GORAB: variants seen among roughly 807,000 people sequenced by gnomAD.
GORAB encodes the protein golgin, RAB6 interacting, also known as RAB6-interacting golgin.
In GORAB, 17 loss-of-function variants were observed where a neutral mutation model predicts 29.9. The ratio of observed to expected loss-of-function variants is 0.57; its 90% CI spans 0.39 to 0.85. The LOEUF is 0.85. Ranked by LOEUF, GORAB falls within the 40% of genes least tolerant of loss-of-function variation. GORAB has a pLI of 0.00. For synonymous variants in GORAB, 183 were observed against 157.2 expected (o/e 1.16, Z -1.23); for missense variants, 442 against 437.8 (o/e 1.01, Z -0.09).
Position 170,553,420 on chromosome 1 carries a change from A to G in GORAB, c.*958A>G. On this transcript the variant is annotated 3_prime_UTR_variant, in exon 5 of 5. Coordinates refer to ENST00000367763, the MANE Select transcript of GORAB (RefSeq NM_152281.3). ...TACATTGTGCTATATGTAAATGTGT[A>G]AATAAATATTGTAATTTTCTCACAA... is the stretch of plus-strand genomic sequence containing the variant. 1 of 446,934 alleles carries G rather than the reference A, an allele frequency of 2.2e-6. No homozygotes were observed. The highest frequency in any genetic ancestry group is 4.4e-6 in the Non-Finnish European group (1 of 224,720). 27.7% of individuals were successfully genotyped at this position (446,934 alleles called of 1,614,324 possible).
chr1:170,533,355 T>C (rs774190009), intron 1 of GORAB: 49 of 251,700 alleles, frequency 1.9e-4, no homozygotes, highest in Non-Finnish European at 3.5e-4. Flanking sequence ...AAAAACTCTA[T>C]CATAAAGGTT....
chr1:170,533,651 G>A (rs572608522), intron 1 of GORAB: 8 of 413,720 alleles, frequency 1.9e-5, no homozygotes, highest in Non-Finnish European at 2.5e-5. Context: ...CATTTTCCAG[G>A]GTAAAGATGA....
chr1:170,534,609 A>G (rs1648935966), intron 1 of GORAB, among the ~76,000 whole-genome samples: 1 of 152,162 alleles, frequency 6.6e-6, no homozygotes, highest in African/African-American at 2.4e-5. Context: ...CCCTGTTTTT[A>G]CTATGCTTTT....
Position 170,532,211 on chromosome 1 carries a change from G to T in GORAB, c.-13G>T. 1 of 1,614,028 alleles carries T rather than the reference G, an allele frequency of 6.2e-7. No individual in the cohort carries two copies. The highest frequency in any genetic ancestry group is 8.5e-7 in the Non-Finnish European group (1 of 1,180,016). On this transcript the variant is annotated 5_prime_UTR_variant, in exon 1 of 5. Coordinates refer to ENST00000367763, the MANE Select transcript of GORAB (RefSeq NM_152281.3). Reference sequence around the variant, plus strand: ...GATTTGGGCACTTTTGGGGGTGCCGGTGGCCCGGGCCGATGGCGCAAGGTT... The same window carrying T: ...GATTTGGGCACTTTTGGGGGTGCCGTTGGCCCGGGCCGATGGCGCAAGGTT...
chr1:170,535,519 T>C (rs984913268), intron 1 of GORAB, among the ~76,000 whole-genome samples: 1 of 152,220 alleles, frequency 6.6e-6, no homozygotes, highest in Non-Finnish European at 1.5e-5. Context: ...AGTTATCTTT[T>C]CACTTTTATC....
At chr1:170,548,712 T>C (rs79386777) in intron 4 of GORAB, among the ~76,000 whole-genome samples, 7,483 of 152,298 alleles carry the variant, frequency 0.049, 874 homozygotes, top group East Asian at 0.46. Context: ...CATTTTCTTA[T>C]TTTAATTTCT....
In GORAB at chr1:170,532,381, C is replaced by G. The variant is rs1571233301; in HGVS notation, c.61+97C>G. 7.7e-6 allele frequency: 8 copies of G among 1,033,816 alleles called. No homozygotes were observed. The highest frequency in any genetic ancestry group is 8.1e-6 in the Non-Finnish European group (6 of 741,432). The allele number at this position is 1,033,816 out of a possible 1,614,324, so 64.0% of individuals were successfully genotyped here. A position where few individuals can be genotyped will look rare whatever the true frequency, so the allele number is the denominator to read the frequency against. ...GGGAAAGGGGGCGTGGAAGCGGCTA[C>G]GTTTGTGTTAGCGGAAGGCGCTGTA... On this transcript the variant is annotated intron_variant, in intron 1 of 4. Transcript: ENST00000367763.
chr1:170,539,524 C>T lies in GORAB; in HGVS notation c.376C>T (p.Pro126Ser). 6.2e-7 allele frequency: 1 copy of T among 1,613,970 alleles called. No individual in the cohort carries two copies. Among genetic ancestry groups the T allele is most frequent in the East Asian group, 2.2e-5 (1 of 44,878 alleles). The change falls in exon 2 of 5, where the codon CCT (proline) becomes TCT (serine). Residue 126 changes from proline to serine, a missense_variant. Physicochemically the swap from Pro to Ser is moderately conservative, Grantham distance 74. Transcript: ENST00000367763. ...TGGTCACAACAATGTTGAGATTCTA[C>T]CTCCAAAGCCAGATTGCAAATTGGA... ...HDGHNNVEILPPKPDCKLEKK... is the reference protein window; with the variant it reads ...HDGHNNVEILSPKPDCKLEKK...
intron 1 of GORAB, chr1:170,533,706 A>C (rs1418069509): frequency 2.7e-6 from 1 of 368,864 alleles, no homozygotes; most frequent in East Asian, 7.4e-5. Flanking sequence ...ATTATGTAGA[A>C]GTATATTTTG....
chr1:170,532,265 G>A lies in GORAB; in HGVS notation c.42G>A (p.Arg14=). 6.2e-7 allele frequency: 1 copy of A among 1,614,146 alleles called. No individual in the cohort carries two copies. Among genetic ancestry groups the A allele is most frequent in the Non-Finnish European group, 8.5e-7 (1 of 1,179,996 alleles). ...CAGGATTCTCTGAGGAGGAACTGAGGAGACTAAAGCAGACTAAAGGTTACA... is the reference window on the plus strand; with the variant it reads ...CAGGATTCTCTGAGGAGGAACTGAGAAGACTAAAGCAGACTAAAGGTTACA... ...GWAGFSEEEL[R]RLKQTKDPFE... is the part of the protein sequence containing the mutation. The change falls in exon 1 of 5, where the codon AGG becomes AGA. Residue 14 remains arginine (R), a synonymous_variant. Transcript: ENST00000367763.
Position 170,552,119 on chromosome 1 carries a change from T to A in GORAB, c.767T>A (p.Ile256Lys). The A allele has an allele frequency of 6.2e-7, 1 of 1,614,096 alleles. No individual in the cohort carries two copies. Among genetic ancestry groups the A allele is most frequent in the East Asian group, 2.2e-5 (1 of 44,878 alleles). ...CTCACTGAACACCTTTGTACGATCA[T>A]ACAGCAAAATGAGCTCCGAAAGGCC... Reference protein sequence around the residue: ...EQLTEHLCTIIQQNELRKAKK... With the variant: ...EQLTEHLCTIKQQNELRKAKK... The change falls in exon 5 of 5, where the codon ATA becomes AAA. Residue 256 changes from isoleucine to lysine, a missense_variant. Ile to Lys is a moderately radical substitution (Grantham distance 102). Coordinates refer to ENST00000367763, the MANE Select transcript of GORAB (RefSeq NM_152281.3).
intron 4 of GORAB, 56 bp from the exon 5 acceptor site, chr1:170,551,959 T>C (rs1364673121): frequency 3.4e-6 from 5 of 1,469,542 alleles, no homozygotes; most frequent in Admixed American, 3.5e-5. Context: ...GATCCTCTTT[T>C]GAATATCTTC....
At position 170,544,641 on chromosome 1, in the gene GORAB, A is replaced by G. The variant is rs193265861; in HGVS notation, c.522-64A>G. On this transcript the variant is annotated intron_variant, in intron 3 of 4. Transcript: ENST00000367763. ...TGCAGTATCTTGCTTTTTCACTTAC[A>G]TTGTATATGGACACATGGTTTTAAA... 378 of 1,391,846 alleles carry G rather than the reference A, an allele frequency of 2.7e-4. 1 individual carries two copies. In the African/African-American group the frequency reaches 4.9e-3, roughly 18 times the overall value. 86.2% of individuals were successfully genotyped at this position (1,391,846 alleles called of 1,614,324 possible). A position where few individuals can be genotyped will look rare whatever the true frequency, so the allele number is the denominator to read the frequency against.
At chr1:170,533,373 G>T (rs537232092) in intron 1 of GORAB, 2 of 290,084 alleles carry the variant, frequency 6.9e-6, no homozygotes, top group South Asian at 6.1e-5. Context: ...GTTAGGCTAA[G>T]CTATGTAGTT....
At chr1:170,541,632 A>G (rs966142566) in intron 2 of GORAB, among the ~76,000 whole-genome samples, 9 of 152,206 alleles carry the variant, frequency 5.9e-5, no homozygotes, top group Non-Finnish European at 1.2e-4. Flanking sequence ...AGTAATAGGA[A>G]TAAATAGCTT....
At position 170,552,331 on chromosome 1, in the gene GORAB, A is replaced by C. The variant is rs1305356381; in HGVS notation, c.979A>C (p.Arg327=). The part of the protein sequence containing the change: ...SVTLEFAKEN[R]KCQEQAVSPK... Reference sequence around the variant, plus strand: ...GACATTAGAATTTGCTAAAGAGAACAGAAAGTGTCAAGAACAAGCTGTTTC... The same window carrying C: ...GACATTAGAATTTGCTAAAGAGAACCGAAAGTGTCAAGAACAAGCTGTTTC... The change falls in exon 5 of 5, where the codon AGA becomes CGA. Residue 327 remains arginine, a synonymous_variant. Coordinates refer to ENST00000367763, the MANE Select transcript of GORAB (RefSeq NM_152281.3). 6.2e-7 allele frequency: 1 copy of C among 1,614,202 alleles called. No homozygotes were observed. The highest frequency in any genetic ancestry group is 1.1e-5 in the South Asian group (1 of 91,088).
intron 3 of GORAB, among the ~76,000 whole-genome samples, chr1:170,543,543 A>G (rs1230441788): frequency 6.6e-6 from 1 of 151,642 alleles, no homozygotes; most frequent in African/African-American, 2.4e-5. Flanking sequence ...GTACACCTTG[A>G]TCTTTCTTGA....
At position 170,551,996 on chromosome 1, in the gene GORAB, T is replaced by G. The variant is rs373558012; in HGVS notation, c.663-19T>G. 1.5e-5 allele frequency: 24 copies of G among 1,608,150 alleles called. No homozygotes were observed. The Admixed American group carries it at 3.3e-4, about 22-fold the overall frequency. Reference sequence around the variant, plus strand: ...TCAATGGAAAACTGATGGACCTATCTTTATACACATCCTTACAGGAAGCGG... The same window carrying G: ...TCAATGGAAAACTGATGGACCTATCGTTATACACATCCTTACAGGAAGCGG... On this transcript the variant is annotated intron_variant, in intron 4 of 4. Transcript: ENST00000367763.
At chr1:170,536,625 A>G (rs1328485684) in intron 1 of GORAB, among the ~76,000 whole-genome samples, 1 of 152,206 alleles carries the variant, frequency 6.6e-6, no homozygotes, top group African/African-American at 2.4e-5. Context: ...CATGTAAAAT[A>G]AGAGACACAT....
Sources: allele counts gnomAD v4.1 joint callset (sites outside exome capture counted in the v4.1 genomes callset), GRCh38; gene constraint gnomAD v4.1.1; transcripts MANE v1.5; gene names NCBI Gene and HGNC (gene_info 2026-07-23, HGNC 2026-07-21).